The following SLIT2 variants were observed in gnomAD, a reference collection of about 807,000 sequenced individuals.
The protein encoded by SLIT2 is slit homolog 2 protein.
A neutral mutation model predicts 185.7 loss-of-function variants in SLIT2; 41 were observed. The observed-to-expected ratio is 0.22, with a 90% CI of 0.17 to 0.29. SLIT2 has a LOEUF of 0.29. SLIT2 is among the 10% of genes least tolerant of loss of function. SLIT2 has a pLI of 1.00. For missense variants in SLIT2, 1,571 were observed against 1,909.0 expected (o/e 0.82, Z 3.30); for synonymous variants, 693 against 680.2 (o/e 1.02, Z -0.29).
chr4:20,600,888 A>G (rs1019145309), intron 33 of SLIT2, among the ~76,000 whole-genome samples: 2 of 151,544 alleles, frequency 1.3e-5, no homozygotes, highest in Admixed American at 1.3e-4. Flanking sequence ...AGATATGTAG[A>G]TATGTATAAT....
intron 33 of SLIT2, among the ~76,000 whole-genome samples, chr4:20,607,252 T>G (rs545117481): frequency 6.6e-6 from 1 of 152,322 alleles, no homozygotes; most frequent in South Asian, 2.1e-4. Context: ...GCAAGATTTA[T>G]CTCTCAGCAT....
intron 4 of SLIT2, among the ~76,000 whole-genome samples, chr4:20,432,068 T>TGAAG (rs943832758): frequency 1.1e-4 from 16 of 151,610 alleles, no homozygotes; most frequent in East Asian, 1.9e-4. Flanking sequence ...TGTGAATGAA[T>TGAAG]GAAGGAAGGA....
At chr4:20,594,423 T>C (rs1376875286) in intron 30 of SLIT2, among the ~76,000 whole-genome samples, 2 of 151,838 alleles carry the variant, frequency 1.3e-5, no homozygotes, top group Non-Finnish European at 2.9e-5. Flanking sequence ...ATAAAGTCAG[T>C]GAACCCTCTC....
At chr4:20,281,457 A>G (rs1287027014) in intron 4 of SLIT2, among the ~76,000 whole-genome samples, 1 of 152,146 alleles carries the variant, frequency 6.6e-6, no homozygotes, top group East Asian at 1.9e-4. Flanking sequence ...GGGACAATTC[A>G]TTTTCCTGAC....
intron 24 of SLIT2, among the ~76,000 whole-genome samples, chr4:20,550,548 C>T (rs1317188438): frequency 6.6e-6 from 1 of 151,962 alleles, no homozygotes; most frequent in Admixed American, 6.6e-5. Flanking sequence ...AAGCCTTCCT[C>T]ACTCCACATT....
intron 4 of SLIT2, among the ~76,000 whole-genome samples, chr4:20,301,085 G>T (rs928924623): frequency 1.3e-5 from 2 of 152,078 alleles, no homozygotes; most frequent in African/African-American, 4.8e-5. Flanking sequence ...CTCTTGAACA[G>T]TGTATCTACC....
At chr4:20,364,045 G>GC (rs1722932869) in intron 4 of SLIT2, among the ~76,000 whole-genome samples, 1 of 152,072 alleles carries the variant, frequency 6.6e-6, no homozygotes, top group African/African-American at 2.4e-5. Flanking sequence ...AATCAGAAAG[G>GC]CCATCTACAA....
intron 4 of SLIT2, among the ~76,000 whole-genome samples, chr4:20,434,076 A>T (rs1729172517): frequency 6.6e-6 from 1 of 152,156 alleles, no homozygotes; most frequent in Non-Finnish European, 1.5e-5. Flanking sequence ...TATGAATAAC[A>T]GTGTTTCTGA....
At chr4:20,407,020 A>C (rs1577593863) in intron 4 of SLIT2, among the ~76,000 whole-genome samples, 1 of 144,594 alleles carries the variant, frequency 6.9e-6, no homozygotes, top group African/African-American at 2.5e-5. Context: ...CTTCCAGCAT[A>C]ATGTTGAACA....
intron 32 of SLIT2, among the ~76,000 whole-genome samples, chr4:20,597,104 C>T (rs1728046135): frequency 6.9e-6 from 1 of 145,916 alleles, no homozygotes; most frequent in Non-Finnish European, 1.5e-5. Flanking sequence ...CTTGCTCTGT[C>T]GCCCAGGCTG....
At chr4:20,529,671 C>T (rs1401211960) in intron 16 of SLIT2, among the ~76,000 whole-genome samples, 1 of 152,190 alleles carries the variant, frequency 6.6e-6, no homozygotes, top group Non-Finnish European at 1.5e-5. Flanking sequence ...TAACATAGGA[C>T]CTTGCACATA....
At chr4:20,333,082 T>C (rs1003437950) in intron 4 of SLIT2, among the ~76,000 whole-genome samples, 10 of 152,182 alleles carry the variant, frequency 6.6e-5, no homozygotes, top group African/African-American at 2.2e-4. Context: ...TAAGTTTTTT[T>C]GTGCTTTAGA....
rs75721780 is a variant in SLIT2, at chr4:20,577,003, T to C, written c.3088+7999T>C. On this transcript the variant is annotated intron_variant, in intron 29 of 36. Transcript: ENST00000504154. ...GTTTTTTTTTTTTCATTTAAAAATA[T>C]ACCAGATGCTTATTGAGAAAATATA... Among the ~76,000 whole-genome samples, 319 of 151,934 alleles carry C rather than the reference T, an allele frequency of 2.1e-3. 1 individual carries two copies. Among genetic ancestry groups the C allele is most frequent in the East Asian group, 4.3e-3 (22 of 5,162 alleles).
chr4:20,394,535 A>G (rs975370955), intron 4 of SLIT2: 57 of 151,896 alleles, frequency 3.8e-4, no homozygotes, highest in African/African-American at 1.3e-3. Context: ...ATAGGAGACA[A>G]CTCTGCACTG....
chr4:20,495,979 C>T (rs779883159), intron 9 of SLIT2, among the ~76,000 whole-genome samples: 3 of 151,994 alleles, frequency 2.0e-5, no homozygotes, highest in Non-Finnish European at 4.4e-5. Flanking sequence ...TATAAACTCT[C>T]CCCATTTTAT....
intron 9 of SLIT2, among the ~76,000 whole-genome samples, chr4:20,509,168 T>C (rs6838251): frequency 0.099 from 14,902 of 150,986 alleles, 1,531 homozygotes; most frequent in African/African-American, 0.26. Context: ...CATACATATA[T>C]ATATAATATA....
rs768538944 is a variant in SLIT2, at chr4:20,484,059, A to G, written c.540-2141A>G. On this transcript the variant is annotated intron_variant, in intron 6 of 36. Transcript: ENST00000504154. The surrounding 1 kb of genome is among the most constrained non-coding windows in gnomAD (Gnocchi z 4.3). The stretch of plus-strand genomic sequence containing the variant: ...CATTATGTGAACTAACATTTTGAGA[A>G]AAGACTTCAAATTGATAACTGAAGT... 9.9e-5 allele frequency among the ~76,000 whole-genome samples: 15 copies of G among 152,096 alleles called. No individual in the cohort carries two copies. Among genetic ancestry groups the G allele is most frequent in the Non-Finnish European group, 1.3e-4 (9 of 67,986 alleles).
In SLIT2 at chr4:20,396,774, C is replaced by T. The variant is rs148448846; in HGVS notation, c.396-70978C>T. 7.3e-3 allele frequency among the ~76,000 whole-genome samples: 1,089 copies of T among 148,776 alleles called. 19 individuals are homozygous for T. Among genetic ancestry groups the T allele is most frequent in the Admixed American group, 0.045 (669 of 14,802 alleles). Reference sequence around the variant, plus strand: ...CTTTTTTTTTACCCCTTTGTGTATGCATATGTGGTTTTTTTTGTTCTCATA... The same window carrying T: ...CTTTTTTTTTACCCCTTTGTGTATGTATATGTGGTTTTTTTTGTTCTCATA... On this transcript the variant is annotated intron_variant, in intron 4 of 36. Transcript: ENST00000504154.
intron 8 of SLIT2, chr4:20,490,703 T>C: frequency 1.2e-6 from 1 of 838,716 alleles, no homozygotes; most frequent in South Asian, 1.5e-5. Context: ...ATGTTCTCAA[T>C]ATGTCTGATT....
Sources: gnomAD v4.1 joint callset for allele counts (sites outside exome capture counted in the v4.1 genomes callset) on GRCh38, gnomAD v4.1.1 for gene constraint, Gnocchi (gnomAD v3.1) non-coding constraint, MANE v1.5 for transcripts, NCBI Gene and HGNC (gene_info 2026-07-23, HGNC 2026-07-21) for gene names.